CDYL: variants seen among roughly 807,000 people sequenced by gnomAD.
CDYL encodes the protein chromodomain Y like, also known as chromodomain Y-like protein.
Under a neutral mutation model 47.3 loss-of-function variants are expected in CDYL, and 8 were observed. The ratio of observed to expected loss-of-function variants is 0.17; its 90% CI spans 0.10 to 0.31. The LOEUF (loss-of-function observed/expected upper bound fraction) is 0.31. CDYL is among the 10% of genes least tolerant of loss of function. The pLI is 1.00. For synonymous variants in CDYL, 266 were observed against 265.0 expected, an observed-to-expected ratio of 1.00 and a Z score of -0.04; for missense variants, 471 against 701.4, an observed-to-expected ratio of 0.67 and a Z score of 3.71.
At chr6:4,834,586 C>T (rs200144161) in intron 1 of CDYL, among the ~76,000 whole-genome samples, 1 of 150,144 alleles carries the variant, frequency 6.7e-6, no homozygotes, top group South Asian at 2.1e-4. Context: ...ATCTTTGTGG[C>T]GTTCTCTGTA....
chr6:4,899,136 C>G (rs1756931264), intron 2 of CDYL, among the ~76,000 whole-genome samples: 1 of 152,138 alleles, frequency 6.6e-6, no homozygotes. Flanking sequence ...ATGTAGTTTT[C>G]TTTGAAACAT....
rs1175222378 is a variant in CDYL, at chr6:4,907,261, A to G, written c.691+14882A>G. On this transcript the variant is annotated intron_variant, in intron 2 of 6. Coordinates refer to ENST00000397588, the MANE Select transcript of CDYL (RefSeq NM_004824.4). ...GGGGGAAAACAGACCACCCTGCTGCAGTTTTAGCCTGCATTTCCATGAGTT... is the reference window on the plus strand; with the variant it reads ...GGGGGAAAACAGACCACCCTGCTGCGGTTTTAGCCTGCATTTCCATGAGTT... 2.6e-5 allele frequency among the ~76,000 whole-genome samples: 4 copies of G among 152,348 alleles called. No individual in the cohort carries two copies. In the East Asian group the frequency reaches 7.7e-4, roughly 29 times the overall value.
intron 1 of CDYL, among the ~76,000 whole-genome samples, chr6:4,792,198 T>C (rs1561640124): frequency 2.0e-5 from 3 of 151,824 alleles, no homozygotes; most frequent in Non-Finnish European, 4.4e-5. Flanking sequence ...GGCCAGGAAT[T>C]GTAGAATTTT....
At chr6:4,831,579 T>C (rs1009484028) in intron 1 of CDYL, among the ~76,000 whole-genome samples, 7 of 152,100 alleles carry the variant, frequency 4.6e-5, no homozygotes, top group Non-Finnish European at 1.0e-4. Context: ...TTTGGTTCCA[T>C]ATGAACTTTA....
At chr6:4,722,020 A>G (rs763606094) in intron 2 of CDYL, among the ~76,000 whole-genome samples, 11 of 151,880 alleles carry the variant, frequency 7.2e-5, no homozygotes, top group Non-Finnish European at 1.2e-4. Flanking sequence ...GTGCCTGGCT[A>G]ATTTTTGTAT....
intron 2 of CDYL, among the ~76,000 whole-genome samples, chr6:4,907,159 CAG>C (rs1231686867): frequency 2.6e-5 from 4 of 152,172 alleles, no homozygotes; most frequent in South Asian, 4.1e-4. Flanking sequence ...TCAAGTGAGT[CAG>C]GGGTGCACCC....
chr6:4,939,899 C>T (rs1370766031), intron 4 of CDYL, among the ~76,000 whole-genome samples: 1 of 152,164 alleles, frequency 6.6e-6, no homozygotes, highest in Non-Finnish European at 1.5e-5. Context: ...ATAAGAAAAT[C>T]GGATGTGTCA....
In CDYL at chr6:4,918,380, T is replaced by C. The variant is rs555204080; in HGVS notation, c.692-17135T>C. ...TTGGGTGATGTTCTGCCCCCCCCCCTTTTTTTTGGCACTTTGAGGTGACAT... is the reference window on the plus strand; with the variant it reads ...TTGGGTGATGTTCTGCCCCCCCCCCCTTTTTTTGGCACTTTGAGGTGACAT... On this transcript the variant is annotated intron_variant, in intron 2 of 6. Transcript: ENST00000397588. Among the ~76,000 whole-genome samples, 654 of 125,144 alleles carry C rather than the reference T, an allele frequency of 5.2e-3. 6 individuals are homozygous for C. The highest frequency in any genetic ancestry group is 0.02 in the South Asian group (77 of 3,780). 82.1% of individuals were successfully genotyped at this position (125,144 alleles called of 152,430 possible).
intron 3 of CDYL, among the ~76,000 whole-genome samples, chr6:4,758,351 A>AAT (rs56250752): frequency 0.63 from 80,751 of 128,974 alleles, 27,795 homozygotes; most frequent in East Asian, 0.79. Context: ...AAAATAAATA[A>AAT]ATATATATAT....
At chr6:4,775,909 CCGCTGCCGTCGGGGCGGT>C (rs1364907709), upstream of CDYL, among the ~76,000 whole-genome samples, 2 of 150,240 alleles carry the variant, frequency 1.3e-5, no homozygotes, top group African/African-American at 2.4e-5. This position sits in a 1 kb window ranked among gnomAD's most constrained non-coding sequence, Gnocchi z 7.0. Context: ...GACGGCGCGG[CCGCTGCCGTCGGGGCGGT>C]GGGCTCCAGA....
chr6:4,860,126 C>G (rs1018378948), intron 1 of CDYL, among the ~76,000 whole-genome samples: 2 of 152,158 alleles, frequency 1.3e-5, no homozygotes, highest in African/African-American at 2.4e-5. Flanking sequence ...TGGTCTCGAT[C>G]TCCTGACCTC....
intron 3 of CDYL, among the ~76,000 whole-genome samples, chr6:4,742,765 C>G (rs1449442244): frequency 6.6e-6 from 1 of 152,234 alleles, no homozygotes; most frequent in Non-Finnish European, 1.5e-5. Context: ...GCTTTGCCCT[C>G]TCAGGGGTTT....
At chr6:4,804,880 C>G (rs754437258) in intron 1 of CDYL, among the ~76,000 whole-genome samples, 1 of 152,196 alleles carries the variant, frequency 6.6e-6, no homozygotes, top group Non-Finnish European at 1.5e-5. Context: ...TGTCACAGAA[C>G]TCTTGGCCCA....
upstream of CDYL, among the ~76,000 whole-genome samples, chr6:4,774,081 TG>T (rs1758379365): frequency 6.6e-6 from 1 of 152,186 alleles, no homozygotes; most frequent in Non-Finnish European, 1.5e-5. Flanking sequence ...ATTACGCACA[TG>T]GTGGAGCCCC....
chr6:4,786,426 C>T (rs1758758751), intron 1 of CDYL, among the ~76,000 whole-genome samples: 1 of 152,120 alleles, frequency 6.6e-6, no homozygotes, highest in Admixed American at 6.5e-5. Flanking sequence ...CAGAGACGGA[C>T]TGTGTTACCT....
At chr6:4,810,804 C>G (rs1759505809) in intron 1 of CDYL, among the ~76,000 whole-genome samples, 1 of 152,174 alleles carries the variant, frequency 6.6e-6, no homozygotes, top group Non-Finnish European at 1.5e-5. Context: ...GGGCACCAAT[C>G]CCATTCATGA....
chr6:4,744,062 A>G (rs1331368090), intron 3 of CDYL, among the ~76,000 whole-genome samples: 1 of 152,152 alleles, frequency 6.6e-6, no homozygotes. Flanking sequence ...TTCCTGACCC[A>G]GAAGTCTGCA....
chr6:4,724,168 G>A (rs1247331228), intron 2 of CDYL, among the ~76,000 whole-genome samples: 1 of 152,032 alleles, frequency 6.6e-6, no homozygotes, highest in Non-Finnish European at 1.5e-5. Context: ...AGCTTCCGAA[G>A]TAGCTGGGAC....
At chr6:4,939,483 T>G (rs1758299661) in intron 4 of CDYL, among the ~76,000 whole-genome samples, 1 of 152,248 alleles carries the variant, frequency 6.6e-6, no homozygotes, top group Non-Finnish European at 1.5e-5. Flanking sequence ...TCTCATATGA[T>G]GTACACATGT....
Sources: gnomAD v4.1 joint callset for allele counts (sites outside exome capture counted in the v4.1 genomes callset) on GRCh38, gnomAD v4.1.1 for gene constraint, Gnocchi (gnomAD v3.1) non-coding constraint, MANE v1.5 for transcripts, NCBI Gene and HGNC (gene_info 2026-07-23, HGNC 2026-07-21) for gene names.